Variants in DEPDC5 observed in about 807,000 individuals in gnomAD.
DEPDC5 encodes the protein GATOR1 complex protein DEPDC5.
Under a neutral mutation model 217.3 loss-of-function variants are expected in DEPDC5, and 73 were observed. That is an observed-to-expected ratio of 0.34 (90% CI 0.28 to 0.41). The LOEUF (loss-of-function observed/expected upper bound fraction) is 0.41, where lower values mean the gene tolerates loss of function less well. Ranked by LOEUF, DEPDC5 falls within the 10% of genes least tolerant of loss-of-function variation. DEPDC5 has a pLI of 1.00. For synonymous variants in DEPDC5, 733 were observed against 756.7 expected, an observed-to-expected ratio of 0.97 and a Z score of 0.51; for missense variants, 1,675 against 2,070.1, an observed-to-expected ratio of 0.81 and a Z score of 3.70.
rs765177478 is a variant in DEPDC5, at chr22:31,822,694, C to T, written c.2008C>T (p.His670Tyr). The change falls in exon 24 of 43, where the codon CAC (histidine) becomes TAC (tyrosine). Residue 670 changes from histidine (H) to tyrosine (Y), a missense_variant and splice_region_variant. Coordinates refer to ENST00000651528, the MANE Select transcript of DEPDC5 (RefSeq NM_001242896.3). ...GTGGCTGGGCTCTGTTCTCTGCAGG[C>T]ACAGCAATTCCCGCCAGCCTGGTGA... ...ELAYHEAAGR[H>Y]SNSRQPGDGM... 2 of 1,613,900 alleles carry T rather than the reference C, an allele frequency of 1.2e-6. No homozygotes were observed. The highest frequency in any genetic ancestry group is 2.2e-5 in the South Asian group (2 of 91,058).
At chr22:31,861,314 G>A (rs993196700) in intron 32 of DEPDC5, 54 bp from the exon 33 acceptor site, 18 of 1,525,014 alleles carry the variant, frequency 1.2e-5, no homozygotes, top group South Asian at 7.2e-5. Context: ...TACACATTCC[G>A]TTTCTTCGCT....
intron 31 of DEPDC5, among the ~76,000 whole-genome samples, chr22:31,847,602 C>T (rs1304923064): frequency 1.3e-5 from 2 of 152,172 alleles, no homozygotes; most frequent in African/African-American, 2.4e-5. Flanking sequence ...CATCACATCT[C>T]GTGAGAACTC....
chr22:31,776,969 A>AT (rs367678911), intron 7 of DEPDC5, among the ~76,000 whole-genome samples: 1,708 of 143,382 alleles, frequency 0.012, 11 homozygotes, highest in South Asian at 0.021. Flanking sequence ...AATTATTATT[A>AT]TTTTTTTTTT....
At position 31,906,405 on chromosome 22, in the gene DEPDC5, A is replaced by G. The variant is rs1184750462; in HGVS notation, c.4720A>G (p.Lys1574Glu). The G allele has an allele frequency of 1.2e-6, 2 of 1,614,084 alleles. No homozygotes were observed. Among genetic ancestry groups the G allele is most frequent in the South Asian group, 1.1e-5 (1 of 91,092 alleles). Reference sequence around the variant, plus strand: ...TGAAAAGTTTGCTGATCGGCTGCTGAAGGACTTCACGGACTTCTGCATCAA... The same window carrying G: ...TGAAAAGTTTGCTGATCGGCTGCTGGAGGACTTCACGGACTTCTGCATCAA... ...GDEKFADRLL[K>E]DFTDFCINRD... The change falls in exon 43 of 43, where the codon AAG (lysine) becomes GAG (glutamate). Residue 1574 changes from lysine (K) to glutamate (E), a missense_variant. Lys to Glu is a moderately conservative substitution (Grantham distance 56). This residue lies in a region of DEPDC5 where 49 missense variants were observed against 74.7 expected (regional missense o/e 0.66). Coordinates refer to ENST00000651528, the MANE Select transcript of DEPDC5 (RefSeq NM_001242896.3). This position sits in a 1 kb window ranked among gnomAD's most constrained non-coding sequence, Gnocchi z 5.1.
intron 23 of DEPDC5, among the ~76,000 whole-genome samples, chr22:31,822,285 C>A (rs117430187): frequency 1.3e-5 from 2 of 152,164 alleles, no homozygotes; most frequent in Admixed American, 1.3e-4. Context: ...TTTCAGTCAC[C>A]TTGACACCCT....
chr22:31,794,575 A>G (rs1315436832), intron 12 of DEPDC5, among the ~76,000 whole-genome samples: 5 of 152,142 alleles, frequency 3.3e-5, no homozygotes, highest in African/African-American at 1.2e-4. Flanking sequence ...AAAACAATAC[A>G]GGTTCATTTT....
At chr22:31,853,666 A>G (rs941846795) in intron 31 of DEPDC5, among the ~76,000 whole-genome samples, 6 of 152,192 alleles carry the variant, frequency 3.9e-5, no homozygotes, top group Non-Finnish European at 5.9e-5. Context: ...ATCTGTAGGC[A>G]TATACATTTA....
At position 31,864,516 on chromosome 22, in the gene DEPDC5, ATATATATATT is replaced by A. The variant is rs1386581049; in HGVS notation, c.3330+3091_3330+3100del. On this transcript the variant is annotated intron_variant, in intron 33 of 42. Transcript: ENST00000651528. ...TCTTCATTAAAATATATATATATAT[ATATATATATT>A]TATATATTTATTTATTTACTGTGTG... is the stretch of plus-strand genomic sequence containing the variant. 7.4e-3 allele frequency among the ~76,000 whole-genome samples: 1,041 copies of A among 140,108 alleles called. 26 individuals are homozygous for A. Among genetic ancestry groups the A allele is most frequent in the Middle Eastern group, 0.048 (13 of 272 alleles). The allele number at this position is 140,108 out of a possible 152,430, so 91.9% of individuals were successfully genotyped here. A position where few individuals can be genotyped will look rare whatever the true frequency, so the allele number is the denominator to read the frequency against.
intron 31 of DEPDC5, 45 bp downstream of exon 31, chr22:31,847,012 C>T (rs768221529): frequency 3.7e-6 from 6 of 1,613,268 alleles, no homozygotes; most frequent in Admixed American, 3.3e-5. Context: ...CTTGACAGCC[C>T]TGAGGGTTTT....
chr22:31,871,303 T>C (rs1372067148), intron 34 of DEPDC5, among the ~76,000 whole-genome samples: 2 of 152,244 alleles, frequency 1.3e-5, no homozygotes, highest in Non-Finnish European at 2.9e-5. Flanking sequence ...TCTTTTCTTA[T>C]TGTCTCACTG....
intron 10 of DEPDC5, among the ~76,000 whole-genome samples, chr22:31,785,288 A>G (rs1334632954): frequency 6.6e-6 from 1 of 151,552 alleles, no homozygotes; most frequent in Non-Finnish European, 1.5e-5. Context: ...CAAAGTAAGT[A>G]TTAGAGCTAA....
At chr22:31,770,808 T>G (rs1468871907) in intron 7 of DEPDC5, among the ~76,000 whole-genome samples, 1 of 146,078 alleles carries the variant, frequency 6.8e-6, no homozygotes, top group African/African-American at 2.5e-5. Flanking sequence ...TTTTTTTTTT[T>G]TGAGACAAAG....
At chr22:31,798,192 G>C (rs934074835) in intron 13 of DEPDC5, among the ~76,000 whole-genome samples, 1 of 151,872 alleles carries the variant, frequency 6.6e-6, no homozygotes, top group African/African-American at 2.4e-5. Flanking sequence ...CAAAGTGCTG[G>C]GATTACAGGC....
chr22:31,839,462 C>T (rs2091254732), intron 27 of DEPDC5, among the ~76,000 whole-genome samples: 1 of 148,316 alleles, frequency 6.7e-6, no homozygotes, highest in Non-Finnish European at 1.5e-5. Context: ...GTAATCACTT[C>T]CTGGAACAAT....
intron 14 of DEPDC5, among the ~76,000 whole-genome samples, chr22:31,799,798 C>CTT (rs1237771354): frequency 8.4e-6 from 1 of 119,226 alleles, no homozygotes; most frequent in African/African-American, 3.7e-5. Flanking sequence ...CCATGCCCGG[C>CTT]CTTTTTTTTT....
At chr22:31,772,975 T>A (rs2083488976) in intron 7 of DEPDC5, among the ~76,000 whole-genome samples, 1 of 151,600 alleles carries the variant, frequency 6.6e-6, no homozygotes, top group Non-Finnish European at 1.5e-5. Context: ...AGACACGGGG[T>A]CTTGCCATGT....
chr22:31,893,990 T>C, intron 39 of DEPDC5: 1 of 382,312 alleles, frequency 2.6e-6, no homozygotes, highest in Non-Finnish European at 4.6e-6. Flanking sequence ...CAGATAATTC[T>C]CTGTGGGGGA....
chr22:31,886,663 GGTGT>G (rs1266545151), intron 38 of DEPDC5, among the ~76,000 whole-genome samples: 4 of 147,792 alleles, frequency 2.7e-5, no homozygotes, highest in African/African-American at 5.0e-5. Context: ...GTGAGGCTGA[GGTGT>G]GAGAATTGCT....
intron 8 of DEPDC5, 93 bp from the exon 9 acceptor site, chr22:31,783,814 C>T: frequency 9.6e-7 from 1 of 1,046,632 alleles, no homozygotes; most frequent in Non-Finnish European, 1.4e-6. Flanking sequence ...AACATTTACA[C>T]TGTTGTGAAG....
Sources: allele counts gnomAD v4.1 joint callset (sites outside exome capture counted in the v4.1 genomes callset), GRCh38; gene constraint gnomAD v4.1.1; regional missense constraint gnomAD v4.1.1; non-coding constraint Gnocchi (gnomAD v3.1); transcripts MANE v1.5; gene names NCBI Gene and HGNC (gene_info 2026-07-23, HGNC 2026-07-21).